Variants in SYNJ2BP observed in about 807,000 individuals in gnomAD.
The protein encoded by SYNJ2BP is synaptojanin-2-binding protein.
A neutral mutation model predicts 16.9 loss-of-function variants in SYNJ2BP; 10 were observed. The ratio of observed to expected loss-of-function variants is 0.59; its 90% CI spans 0.36 to 1.00. The LOEUF is 1.00. Among genes scored for constraint, SYNJ2BP ranks in the 50% least tolerant of loss-of-function variants. The pLI is 0.01. For missense variants in SYNJ2BP, 162 were observed against 186.7 expected (o/e 0.87, Z 0.77); for synonymous variants, 54 against 68.4 (o/e 0.79, Z 1.04).
At position 70,375,591 on chromosome 14, in the gene SYNJ2BP, A is replaced by T. The variant is rs574315485; in HGVS notation, c.297+85T>A. 7 of 1,492,350 alleles carry T rather than the reference A, an allele frequency of 4.7e-6. No individual in the cohort carries two copies. In the South Asian group the frequency reaches 9.5e-5, roughly 20 times the overall value. 92.4% of individuals were successfully genotyped at this position (1,492,350 alleles called of 1,614,324 possible). On this transcript the variant is annotated intron_variant, in intron 3 of 3. Coordinates refer to ENST00000256366, the MANE Select transcript of SYNJ2BP (RefSeq NM_018373.3). ...GGGAGTGAGGGTAAAACAAAAAGCA[A>T]CACTGAAGATTACACACATTGGGCT...
chr14:70,394,025 C>A (rs889811174), intron 1 of SYNJ2BP, among the ~76,000 whole-genome samples: 3 of 148,796 alleles, frequency 2.0e-5, no homozygotes, highest in African/African-American at 7.4e-5. Flanking sequence ...ATAATATATT[C>A]TTAGTTTTTC....
chr14:70,387,281 A>C (rs1051846487), intron 2 of SYNJ2BP, among the ~76,000 whole-genome samples: 1 of 152,220 alleles, frequency 6.6e-6, no homozygotes, highest in Non-Finnish European at 1.5e-5. Context: ...ATCTCCAACT[A>C]TACTCCCTTA....
chr14:70,382,239 C>A (rs1887767662), intron 2 of SYNJ2BP, among the ~76,000 whole-genome samples: 1 of 151,730 alleles, frequency 6.6e-6, no homozygotes, highest in Non-Finnish European at 1.5e-5. Context: ...CTGTCTCGAA[C>A]AAAACAAAAC....
chr14:70,395,818 C>A (rs1251026820), intron 1 of SYNJ2BP, among the ~76,000 whole-genome samples: 1 of 152,172 alleles, frequency 6.6e-6, no homozygotes, highest in Non-Finnish European at 1.5e-5. Flanking sequence ...CTGACACCAT[C>A]TATTATACTT....
chr14:70,382,226 ACT>A (rs1489897409), intron 2 of SYNJ2BP, among the ~76,000 whole-genome samples: 1 of 152,120 alleles, frequency 6.6e-6, no homozygotes, highest in Non-Finnish European at 1.5e-5. Context: ...ACAGAGGGAG[ACT>A]CTGTCTCGAA....
rs554971259 is a variant in SYNJ2BP, at chr14:70,410,993, CT to C, written c.64+5906del. Among the ~76,000 whole-genome samples, 402 of 152,190 alleles carry C rather than the reference CT, an allele frequency of 2.6e-3. 1 individual carries two copies. The highest frequency in any genetic ancestry group is 8.7e-3 in the South Asian group (42 of 4,814). The stretch of plus-strand genomic sequence containing the variant: ...ATATAACAAACCTATACATGTACCC[CT>C]GAACCTAAAATAATAGTTAAATGAA... On this transcript the variant is annotated intron_variant, in intron 1 of 3. Transcript: ENST00000256366.
chr14:70,394,142 A>T (rs1012607469), intron 1 of SYNJ2BP, among the ~76,000 whole-genome samples: 3 of 152,106 alleles, frequency 2.0e-5, no homozygotes, highest in Non-Finnish European at 4.4e-5. Context: ...AAAAAGAAAC[A>T]TGGAGTTTTA....
At chr14:70,384,976 C>A (rs914772338) in intron 2 of SYNJ2BP, among the ~76,000 whole-genome samples, 4 of 152,148 alleles carry the variant, frequency 2.6e-5, no homozygotes, top group Admixed American at 2.0e-4. Flanking sequence ...GGCTTTTCCC[C>A]TCTCTTCTTT....
intron 1 of SYNJ2BP, among the ~76,000 whole-genome samples, chr14:70,413,976 T>G (rs1888547267): frequency 6.6e-6 from 1 of 152,212 alleles, no homozygotes; most frequent in South Asian, 2.1e-4. Context: ...GATTTTCATA[T>G]TTCTTCCATA....
intron 1 of SYNJ2BP, among the ~76,000 whole-genome samples, chr14:70,394,158 T>C (rs1233825978): frequency 6.6e-6 from 1 of 152,026 alleles, no homozygotes; most frequent in Non-Finnish European, 1.5e-5. Context: ...TTTTAAAATG[T>C]AATGTTCATA....
chr14:70,375,944 A>C (rs950938879), intron 2 of SYNJ2BP, among the ~76,000 whole-genome samples, 173 bp from the exon 3 acceptor site: 8 of 152,230 alleles, frequency 5.3e-5, no homozygotes. Flanking sequence ...CATTTTCAAA[A>C]CTATGTTTTC....
In SYNJ2BP at chr14:70,370,829, T is replaced by C. The variant is rs1887503049; in HGVS notation, c.*2162A>G. On this transcript the variant is annotated 3_prime_UTR_variant, in exon 4 of 4. Transcript: ENST00000256366. ...CTTGTCCCTTTCCTCCACGTAACTT[T>C]CTCAAACGCCCCAGTTCTCAGTAAC... 6.6e-6 allele frequency: 1 copy of C among 152,240 alleles called. No homozygotes were observed. The highest frequency in any genetic ancestry group is 2.1e-4 in the South Asian group (1 of 4,828). The allele number at this position is 152,240 out of a possible 1,614,324, so 9.4% of individuals were successfully genotyped here.
chr14:70,386,528 CT>C (rs1015936305), intron 2 of SYNJ2BP, among the ~76,000 whole-genome samples: 3 of 152,174 alleles, frequency 2.0e-5, no homozygotes, highest in Non-Finnish European at 4.4e-5. Context: ...GATTTTCTTT[CT>C]TTTTGGGGGA....
intron 1 of SYNJ2BP, among the ~76,000 whole-genome samples, chr14:70,397,353 T>C (rs1434119282): frequency 1.3e-5 from 2 of 152,222 alleles, no homozygotes; most frequent in Non-Finnish European, 2.9e-5. Flanking sequence ...TTGGTTGTCC[T>C]ATCCATTACT....
intron 1 of SYNJ2BP, 120 bp from the exon 2 acceptor site, chr14:70,388,726 C>T: frequency 7.6e-7 from 1 of 1,322,026 alleles, no homozygotes; most frequent in East Asian, 2.9e-5. Context: ...AGAGGAGATG[C>T]TGGCGAGTCA....
intron 1 of SYNJ2BP, among the ~76,000 whole-genome samples, chr14:70,396,642 A>G (rs554872412): frequency 8.6e-5 from 13 of 151,288 alleles, no homozygotes; most frequent in African/African-American, 2.7e-4. Context: ...ATGTATGTGT[A>G]TATATATATG....
intron 1 of SYNJ2BP, among the ~76,000 whole-genome samples, chr14:70,395,441 T>C (rs1312732052): frequency 6.6e-6 from 1 of 152,046 alleles, no homozygotes; most frequent in Non-Finnish European, 1.5e-5. Flanking sequence ...CGACTAATTT[T>C]CTCCCAGACA....
intron 1 of SYNJ2BP, among the ~76,000 whole-genome samples, chr14:70,405,748 G>A (rs923507347): frequency 3.9e-5 from 6 of 152,062 alleles, no homozygotes; most frequent in African/African-American, 1.4e-4. Flanking sequence ...GTAGAATATG[G>A]TTCTCTCTTT....
intron 2 of SYNJ2BP, among the ~76,000 whole-genome samples, chr14:70,381,255 T>C (rs1223790405): frequency 1.3e-5 from 2 of 152,246 alleles, no homozygotes; most frequent in Non-Finnish European, 2.9e-5. Flanking sequence ...ATAAAGGGCA[T>C]AGGCCAGTTA....
Sources: allele counts gnomAD v4.1 joint callset (sites outside exome capture counted in the v4.1 genomes callset), GRCh38; gene constraint gnomAD v4.1.1; transcripts MANE v1.5; gene names NCBI Gene and HGNC (gene_info 2026-07-23, HGNC 2026-07-21).